The following SPDYA variants were observed in gnomAD, a reference collection of about 807,000 sequenced individuals.
SPDYA encodes speedy protein A.
Under a neutral mutation model 36.7 loss-of-function variants are expected in SPDYA, and 11 were observed. The ratio of observed to expected loss-of-function variants is 0.30; its 90% confidence interval spans 0.19 to 0.50. The LOEUF is 0.50. SPDYA is among the 20% of genes least tolerant of loss of function. The pLI, the probability that SPDYA is intolerant of heterozygous loss-of-function variation, is 0.98. For missense variants in SPDYA, 287 were observed against 370.9 expected, an observed-to-expected ratio of 0.77 and a Z score of 1.86; for synonymous variants, 115 against 118.7, an observed-to-expected ratio of 0.97 and a Z score of 0.20.
intron 6 of SPDYA, among the ~76,000 whole-genome samples, chr2:28,831,486 A>T (rs2148094249): frequency 6.6e-6 from 1 of 152,350 alleles, no homozygotes; most frequent in Non-Finnish European, 1.5e-5. Context: ...ATTTAGCAAC[A>T]TTTAAAAAAA....
At chr2:28,832,396 C>T (rs184955352) in intron 6 of SPDYA, among the ~76,000 whole-genome samples, 64 of 152,226 alleles carry the variant, frequency 4.2e-4, no homozygotes, top group African/African-American at 1.4e-3. Flanking sequence ...ATTAGAGTGC[C>T]CCAGGGCTCA....
chr2:28,815,874 A>G, intron 2 of SPDYA, 123 bp from the exon 3 acceptor site: 1 of 634,958 alleles, frequency 1.6e-6, no homozygotes, highest in Non-Finnish European at 2.6e-6. Context: ...ACTGTCACAA[A>G]TAACATTTTA....
At chr2:28,843,457 G>A (rs531742532) in intron 7 of SPDYA, among the ~76,000 whole-genome samples, 26 of 151,868 alleles carry the variant, frequency 1.7e-4, no homozygotes, top group Non-Finnish European at 1.2e-4. Context: ...GGCTGAGGCA[G>A]GAGAATCGCT....
At chr2:28,833,031 T>G (rs1301862093) in intron 6 of SPDYA, among the ~76,000 whole-genome samples, 6 of 152,120 alleles carry the variant, frequency 3.9e-5, no homozygotes, top group Admixed American at 3.3e-4. Flanking sequence ...AGATGGGGTC[T>G]CGCTATGTTG....
chr2:28,829,143 G>A lies in SPDYA; in HGVS notation c.381-5G>A. 1 of 1,604,758 alleles carries A rather than the reference G, an allele frequency of 6.2e-7. No homozygotes were observed. Among genetic ancestry groups the A allele is most frequent in the Non-Finnish European group, 8.5e-7 (1 of 1,176,904 alleles). On this transcript the variant is annotated splice_polypyrimidine_tract_variant and splice_region_variant and intron_variant, in intron 5 of 7. Transcript: ENST00000334056. ...TCTTTTTTGGGTTGTGATCTTCTTT[G>A]TTAGGTATCTGGCTAATACAGTTGA...
intron 4 of SPDYA, 94 bp downstream of exon 4, chr2:28,819,200 T>G (rs190014371): frequency 1.1e-6 from 1 of 942,924 alleles, no homozygotes; most frequent in African/African-American, 1.7e-5. Context: ...TTCTATCTTA[T>G]TAGTTATGAT....
At chr2:28,818,543 T>A (rs1010700915) in intron 3 of SPDYA, among the ~76,000 whole-genome samples, 1 of 152,096 alleles carries the variant, frequency 6.6e-6, no homozygotes, top group Non-Finnish European at 1.5e-5. Flanking sequence ...TGAGATTATA[T>A]ATTTTAGCCC....
intron 7 of SPDYA, among the ~76,000 whole-genome samples, chr2:28,847,745 C>CA (rs10648612): frequency 0.35 from 47,593 of 137,336 alleles, 8,828 homozygotes; most frequent in African/African-American, 0.49. Flanking sequence ...GACTCTGTCT[C>CA]AAAAAAAAAA....
At chr2:28,827,187 G>A (rs7573411) in intron 5 of SPDYA, among the ~76,000 whole-genome samples, 15,307 of 151,610 alleles carry the variant, frequency 0.1, 838 homozygotes, top group East Asian at 0.17. Context: ...TGATCCACCC[G>A]CCTCAGCCTC....
At chr2:28,813,813 A>G (rs112472626) in intron 1 of SPDYA, among the ~76,000 whole-genome samples, 14,763 of 152,024 alleles carry the variant, frequency 0.097, 758 homozygotes, top group East Asian at 0.17. Flanking sequence ...CAGCCTCCCA[A>G]AGTGCTGGGA....
chr2:28,826,416 C>T (rs112539132), intron 5 of SPDYA, among the ~76,000 whole-genome samples: 3,220 of 152,176 alleles, frequency 0.021, 76 homozygotes, highest in African/African-American at 0.062. Flanking sequence ...GGATTACAGA[C>T]GTGAGCCACT....
chr2:28,819,011 T>C (rs13009357), intron 3 of SPDYA, 37 bp from the exon 4 acceptor site: 705,301 of 1,505,414 alleles, frequency 0.47, 172,391 homozygotes, highest in Middle Eastern at 0.53. Context: ...AAACATTCTG[T>C]TTTTAAAAGA....
intron 1 of SPDYA, among the ~76,000 whole-genome samples, chr2:28,814,167 T>C (rs537627908): frequency 2.0e-5 from 3 of 152,352 alleles, no homozygotes; most frequent in African/African-American, 4.8e-5. Flanking sequence ...TGGCCACTTG[T>C]GTCTATTAAA....
intron 6 of SPDYA, among the ~76,000 whole-genome samples, chr2:28,837,448 G>T (rs1223708840): frequency 6.6e-6 from 1 of 152,130 alleles, no homozygotes; most frequent in Non-Finnish European, 1.5e-5. Context: ...GCAGTAACTG[G>T]ATATAATTAA....
chr2:28,849,710 A>T (rs1668986807), intron 7 of SPDYA, 140 bp from the exon 8 acceptor site: 3 of 555,554 alleles, frequency 5.4e-6, no homozygotes, highest in African/African-American at 2.0e-5. Flanking sequence ...AGGTGATTAT[A>T]TCATTCTTAA....
intron 6 of SPDYA, among the ~76,000 whole-genome samples, chr2:28,834,890 T>C (rs1390541479): frequency 1.3e-5 from 2 of 152,210 alleles, no homozygotes; most frequent in African/African-American, 4.8e-5. Flanking sequence ...AAATTAAAAG[T>C]AGTTCCTCCC....
At chr2:28,837,105 T>C (rs968980110) in intron 6 of SPDYA, among the ~76,000 whole-genome samples, 2 of 152,204 alleles carry the variant, frequency 1.3e-5, no homozygotes, top group Admixed American at 1.3e-4. Flanking sequence ...GTAGTGTGTT[T>C]TGACAGAATA....
chr2:28,822,538 T>A (rs1572495627), intron 5 of SPDYA, 128 bp downstream of exon 5: 2 of 406,196 alleles, frequency 4.9e-6, no homozygotes, highest in East Asian at 7.9e-5. Context: ...ATGCTGTATG[T>A]TTTTTACTTT....
intron 6 of SPDYA, among the ~76,000 whole-genome samples, chr2:28,836,185 A>G (rs1668596045): frequency 6.6e-6 from 1 of 152,238 alleles, no homozygotes; most frequent in African/African-American, 2.4e-5. Context: ...AATGAAACTG[A>G]GGACCGAGGA....
Sources: gnomAD v4.1 joint callset for allele counts (sites outside exome capture counted in the v4.1 genomes callset) on GRCh38, gnomAD v4.1.1 for gene constraint, MANE v1.5 for transcripts, NCBI Gene and HGNC (gene_info 2026-07-23, HGNC 2026-07-21) for gene names.